The following B3GALT1 variants were observed in gnomAD, a reference collection of about 807,000 sequenced individuals.
B3GALT1 encodes beta-1,3-galactosyltransferase 1.
In B3GALT1, 10 loss-of-function variants were observed where a neutral mutation model predicts 23.2. The ratio of observed to expected loss-of-function variants is 0.43; its 90% CI spans 0.27 to 0.73. B3GALT1 has a LOEUF of 0.73. Ranked by LOEUF, B3GALT1 falls within the 30% of genes least tolerant of loss-of-function variation. The pLI is 0.21. For synonymous variants in B3GALT1, 156 were observed against 141.5 expected, an observed-to-expected ratio of 1.10 and a Z score of -0.73; for missense variants, 299 against 405.4, an observed-to-expected ratio of 0.74 and a Z score of 2.25.
chr2:167,370,709 G>A (rs912213791), intron 1 of B3GALT1, among the ~76,000 whole-genome samples: 4 of 152,134 alleles, frequency 2.6e-5, no homozygotes, highest in African/African-American at 9.7e-5. Flanking sequence ...GGTGGATCAC[G>A]AGGTCAGGTG....
In B3GALT1 at chr2:167,836,782, G is replaced by T. The variant is rs181504819; in HGVS notation, c.-230+17989G>T. Reference sequence around the variant, plus strand: ...ATTTTAAGGCAGCCAGAGAGAAAGGGCGGGTTACCCCACAAAGGGAAGCCC... The same window carrying T: ...ATTTTAAGGCAGCCAGAGAGAAAGGTCGGGTTACCCCACAAAGGGAAGCCC... On this transcript the variant is annotated intron_variant, in intron 4 of 4. Transcript: ENST00000392690. 4.2e-3 allele frequency among the ~76,000 whole-genome samples: 635 copies of T among 152,214 alleles called. 2 individuals are homozygous for T. Among genetic ancestry groups the T allele is most frequent in the Non-Finnish European group, 7.1e-3 (482 of 68,024 alleles).
intron 3 of B3GALT1, among the ~76,000 whole-genome samples, chr2:167,763,898 A>G (rs1687934901): frequency 6.6e-6 from 1 of 152,154 alleles, no homozygotes; most frequent in African/African-American, 2.4e-5. Context: ...CATCCTGATG[A>G]GTATTCAGAT....
chr2:167,700,349 T>C (rs1485204691), intron 3 of B3GALT1, among the ~76,000 whole-genome samples: 3 of 152,218 alleles, frequency 2.0e-5, no homozygotes, highest in African/African-American at 7.2e-5. Context: ...CTTGATCTGT[T>C]AGAGTTTTTT....
chr2:167,517,307 T>A (rs1288000165), intron 2 of B3GALT1, among the ~76,000 whole-genome samples: 1 of 151,836 alleles, frequency 6.6e-6, no homozygotes, highest in Non-Finnish European at 1.5e-5. Flanking sequence ...AGCAGCAACC[T>A]CAGGTCAAGT....
intron 1 of B3GALT1, among the ~76,000 whole-genome samples, chr2:167,486,832 G>A (rs12466695): frequency 0.5 from 76,563 of 151,944 alleles, 22,149 homozygotes; most frequent in East Asian, 0.98. Context: ...CAAAAATATT[G>A]AAGTGGGATT....
At chr2:167,775,072 A>G (rs1432884819) in intron 3 of B3GALT1, among the ~76,000 whole-genome samples, 2 of 152,172 alleles carry the variant, frequency 1.3e-5, no homozygotes, top group African/African-American at 4.8e-5. Context: ...CTGCCTTTTG[A>G]TCCAATAATC....
At chr2:167,775,967 T>C (rs1688155453) in intron 3 of B3GALT1, among the ~76,000 whole-genome samples, 1 of 149,636 alleles carries the variant, frequency 6.7e-6, no homozygotes, top group African/African-American at 2.5e-5. Flanking sequence ...TACACCACAG[T>C]ACCCCAAACA....
intron 1 of B3GALT1, among the ~76,000 whole-genome samples, chr2:167,480,840 A>G (rs1699555322): frequency 6.6e-6 from 1 of 152,158 alleles, no homozygotes; most frequent in African/African-American, 2.4e-5. Flanking sequence ...TTTCAACCCC[A>G]GAGCAGGTTC....
At chr2:167,721,593 C>G (rs1294303812) in intron 3 of B3GALT1, among the ~76,000 whole-genome samples, 1 of 152,100 alleles carries the variant, frequency 6.6e-6, no homozygotes, top group Admixed American at 6.5e-5. Context: ...AGAATCAGAC[C>G]TCAAAATAGA....
intron 2 of B3GALT1, among the ~76,000 whole-genome samples, chr2:167,639,467 C>G (rs771425343): frequency 7.2e-5 from 11 of 151,964 alleles, no homozygotes; most frequent in Non-Finnish European, 1.3e-4. Flanking sequence ...CAAGCAGAAA[C>G]ACATTAAGGA....
At chr2:167,440,518 T>G (rs190580509) in intron 1 of B3GALT1, among the ~76,000 whole-genome samples, 21 of 152,238 alleles carry the variant, frequency 1.4e-4, no homozygotes, top group Admixed American at 7.2e-4. Context: ...TATGTTTTTT[T>G]GTAAAATTAT....
intron 3 of B3GALT1, chr2:167,715,692 G>T: frequency 6.2e-7 from 1 of 1,613,278 alleles, no homozygotes; most frequent in East Asian, 2.2e-5. Flanking sequence ...TCCAAACTTC[G>T]TGCTTCTGCT....
intron 1 of B3GALT1, among the ~76,000 whole-genome samples, chr2:167,414,276 TAACTTTGAATCAGGAA>T (rs1343117608): frequency 1.3e-5 from 2 of 152,174 alleles, no homozygotes; most frequent in Admixed American, 6.5e-5. Context: ...GAATGAATAT[TAACTTTGAATCAGGAA>T]AACTTGTGTT....
At chr2:167,435,433 C>CAAAAAAAAAA (rs1159357073) in intron 1 of B3GALT1, among the ~76,000 whole-genome samples, 3 of 26,212 alleles carry the variant, frequency 1.1e-4, no homozygotes, top group Non-Finnish European at 1.7e-4. Context: ...CATATGCTTG[C>CAAAAAAAAAA]AAAAAAAAAA....
intron 1 of B3GALT1, among the ~76,000 whole-genome samples, chr2:167,475,532 AG>A (rs1699474145): frequency 6.6e-6 from 1 of 152,108 alleles, no homozygotes; most frequent in African/African-American, 2.4e-5. Flanking sequence ...ATTGTGAAGA[AG>A]GAAAAAGAAA....
At chr2:167,336,918 G>A (rs1435271775) in intron 1 of B3GALT1, among the ~76,000 whole-genome samples, 1 of 152,080 alleles carries the variant, frequency 6.6e-6, no homozygotes, top group African/African-American at 2.4e-5. Flanking sequence ...AGTTGAGATC[G>A]AGTTTTACCT....
At chr2:167,525,561 ACT>A (rs1417742867) in intron 2 of B3GALT1, among the ~76,000 whole-genome samples, 1 of 151,944 alleles carries the variant, frequency 6.6e-6, no homozygotes, top group Non-Finnish European at 1.5e-5. Flanking sequence ...GTAATCCAAC[ACT>A]CTGCTGTTTA....
At chr2:167,586,148 TA>T (rs34732862) in intron 2 of B3GALT1, among the ~76,000 whole-genome samples, 26,165 of 152,146 alleles carry the variant, frequency 0.17, 2,315 homozygotes, top group Non-Finnish European at 0.18. Flanking sequence ...TTTGATTTTG[TA>T]AAAGTTTGCT....
chr2:167,578,681 A>G (rs905172485), intron 2 of B3GALT1, among the ~76,000 whole-genome samples: 5 of 152,008 alleles, frequency 3.3e-5, no homozygotes, highest in Admixed American at 2.6e-4. Context: ...TCTTAAAATC[A>G]TAACAGATGT....
Sources: allele counts gnomAD v4.1 joint callset (sites outside exome capture counted in the v4.1 genomes callset), GRCh38; gene constraint gnomAD v4.1.1; transcripts MANE v1.5; gene names NCBI Gene and HGNC (gene_info 2026-07-23, HGNC 2026-07-21).